CYB5R3: variants seen among roughly 807,000 people sequenced by gnomAD.
CYB5R3 encodes cytochrome b5 reductase 3.
Under a neutral mutation model 36.5 loss-of-function variants are expected in CYB5R3, and 28 were observed. The ratio of observed to expected loss-of-function variants is 0.77; its 90% CI spans 0.57 to 1.05. CYB5R3 has a LOEUF of 1.05. Among genes scored for constraint, CYB5R3 ranks in the 50% least tolerant of loss-of-function variants. CYB5R3 has a pLI of 0.00. For missense variants in CYB5R3, 474 were observed against 408.9 expected, an observed-to-expected ratio of 1.16 and a Z score of -1.37; for synonymous variants, 181 against 159.8, an observed-to-expected ratio of 1.13 and a Z score of -1.00.
intron 1 of CYB5R3, among the ~76,000 whole-genome samples, chr22:42,647,809 T>G (rs1311342161): frequency 6.6e-6 from 1 of 152,020 alleles, no homozygotes; most frequent in Non-Finnish European, 1.5e-5. Context: ...AGGTTGAGGC[T>G]GCAGTGAGCT....
intron 1 of CYB5R3, 67 bp downstream of exon 1, chr22:42,649,228 G>A: frequency 1.8e-5 from 7 of 393,098 alleles, no homozygotes; most frequent in South Asian, 5.9e-5. Flanking sequence ...AGGCCAGCCC[G>A]CCCCCTCGCC....
chr22:42,640,291 G>A, intron 1 of CYB5R3: 1 of 1,543,848 alleles, frequency 6.5e-7, no homozygotes, highest in Non-Finnish European at 8.7e-7. Flanking sequence ...GGGATGGAAA[G>A]TCCATCATCC....
At chr22:42,620,246 G>A (rs972172826) in intron 8 of CYB5R3, among the ~76,000 whole-genome samples, 5 of 152,184 alleles carry the variant, frequency 3.3e-5, no homozygotes, top group African/African-American at 1.2e-4. Context: ...GGGTGGACAG[G>A]GCGGGGAATA....
intron 8 of CYB5R3, 101 bp downstream of exon 8, chr22:42,623,688 G>A (rs1230167112): frequency 9.4e-6 from 9 of 954,020 alleles, no homozygotes; most frequent in African/African-American, 1.6e-5. Flanking sequence ...CATAGTGAGT[G>A]CCAGATGTCG....
intron 1 of CYB5R3, among the ~76,000 whole-genome samples, chr22:42,638,728 T>TAAAAAAAAAAAAAAAAAAAAAAAAAAAA (rs67349863): frequency 6.3e-5 from 3 of 47,520 alleles, no homozygotes; most frequent in South Asian, 9.8e-4. Context: ...CAAGACTCCA[T>TAAAAAAAAAAAAAAAAAAAAAAAAAAAA]AAAAAAAAAA....
chr22:42,644,000 G>A (rs1369224939), intron 1 of CYB5R3, among the ~76,000 whole-genome samples: 1 of 152,086 alleles, frequency 6.6e-6, no homozygotes, highest in African/African-American at 2.4e-5. Flanking sequence ...ACTGAGGCCA[G>A]GAAAGGGGAG....
intron 2 of CYB5R3, chr22:42,632,219 T>C (rs937903111): frequency 6.6e-6 from 1 of 152,374 alleles, no homozygotes; most frequent in Non-Finnish European, 1.5e-5. Context: ...AAACCCAGCG[T>C]CCTGAGGGTG....
intron 1 of CYB5R3, among the ~76,000 whole-genome samples, chr22:42,648,256 T>C (rs941345644): frequency 6.9e-6 from 1 of 145,138 alleles, no homozygotes; most frequent in East Asian, 2.2e-4. Flanking sequence ...CCAGGTGCCC[T>C]CCAAGTGGCA....
chr22:42,636,677 GTGATGCTGACGA>G, intron 2 of CYB5R3, 26 bp downstream of exon 2: 1 of 1,604,232 alleles, frequency 6.2e-7, no homozygotes, highest in East Asian at 2.2e-5. Flanking sequence ...GGGCAATGCT[GTGATGCTGACGA>G]GGCAGCGGCG....
chr22:42,643,298 G>T (rs938148431), intron 1 of CYB5R3, among the ~76,000 whole-genome samples: 5 of 152,192 alleles, frequency 3.3e-5, no homozygotes, highest in African/African-American at 1.2e-4. Context: ...CCCAGGTCAC[G>T]TAGGGGTCTA....
Position 42,631,760 on chromosome 22 carries a change from G to A in CYB5R3, c.154-310C>T, listed in dbSNP as rs765290411. ...GGGAGGATGCCAGACAGGACGGGGA[G>A]GGAGGAATCCATCTCTGCCATCAGC... On this transcript the variant is annotated intron_variant, in intron 2 of 8. Transcript: ENST00000352397. The A allele has an allele frequency of 6.5e-6, 3 of 465,026 alleles. No homozygotes were observed. The East Asian group carries it at 1.2e-4, about 18-fold the overall frequency. 28.8% of individuals were successfully genotyped at this position (465,026 alleles called of 1,614,324 possible).
rs1367101218 is a variant in CYB5R3 at position 42,619,532 on chromosome 22, C to A, written c.*241G>T. On this transcript the variant is annotated 3_prime_UTR_variant, in exon 9 of 9. Coordinates refer to ENST00000352397, the MANE Select transcript of CYB5R3 (RefSeq NM_000398.7). ...AGGACAGGGATGGGGCTGGGCGTCT[C>A]TGGTAAGGACCAGTAAGTGCCAGGC... 1.4e-5 allele frequency: 8 copies of A among 574,876 alleles called. No individual in the cohort carries two copies. The highest frequency in any genetic ancestry group is 2.5e-5 in the Non-Finnish European group (8 of 320,696). 35.6% of individuals were successfully genotyped at this position (574,876 alleles called of 1,614,324 possible).
intron 7 of CYB5R3, 112 bp from the exon 8 acceptor site, chr22:42,624,000 G>T (rs776916447): frequency 6.9e-6 from 6 of 863,870 alleles, no homozygotes; most frequent in Non-Finnish European, 1.1e-5. Flanking sequence ...ACACGCTTGC[G>T]GAGCTTTCAG....
chr22:42,646,528 T>G, intron 1 of CYB5R3: 37 of 410,916 alleles, frequency 9.0e-5, no homozygotes, highest in Middle Eastern at 1.2e-3. Context: ...CCAGGCCAGG[T>G]TAGGGGTGGG....
At chr22:42,638,728 T>TTAAAAAAAAAAAAAA (rs1569324852) in intron 1 of CYB5R3, among the ~76,000 whole-genome samples, 10 of 47,488 alleles carry the variant, frequency 2.1e-4, no homozygotes, top group African/African-American at 9.9e-4. Context: ...CAAGACTCCA[T>TTAAAAAAAAAAAAAA]AAAAAAAAAA....
At chr22:42,627,113 C>T (rs907124118) in intron 7 of CYB5R3, among the ~76,000 whole-genome samples, 191 bp downstream of exon 7, 13 of 152,180 alleles carry the variant, frequency 8.5e-5, no homozygotes, top group East Asian at 3.9e-4. Context: ...CAGACACAGG[C>T]GCTGCACCAC....
intron 2 of CYB5R3, among the ~76,000 whole-genome samples, chr22:42,635,749 T>A (rs1222964772): frequency 6.6e-6 from 1 of 152,178 alleles, no homozygotes; most frequent in Admixed American, 6.5e-5. Flanking sequence ...GATGATGTTC[T>A]CTGCTGTGAC....
chr22:42,644,982 T>C (rs1282952681), intron 1 of CYB5R3, among the ~76,000 whole-genome samples: 1 of 152,146 alleles, frequency 6.6e-6, no homozygotes. Flanking sequence ...GGGACAAATG[T>C]AGCTCAAGGA....
chr22:42,619,666 C>A lies in CYB5R3; in HGVS notation c.*107G>T, dbSNP rs1191933186. 9.8e-6 allele frequency: 11 copies of A among 1,121,124 alleles called. No individual in the cohort carries two copies. The highest frequency in any genetic ancestry group is 1.1e-5 in the Non-Finnish European group (9 of 789,246). The allele number at this position is 1,121,124 out of a possible 1,614,324, so 69.4% of individuals were successfully genotyped here. On this transcript the variant is annotated 3_prime_UTR_variant, in exon 9 of 9. Transcript: ENST00000352397. Reference sequence around the variant, plus strand: ...GGTGATTCACCAGGGCACGGGCAGGCCAGGCTGAACCCGGGGCCCCAGTGT... The same window carrying A: ...GGTGATTCACCAGGGCACGGGCAGGACAGGCTGAACCCGGGGCCCCAGTGT...
Sources: allele counts gnomAD v4.1 joint callset (sites outside exome capture counted in the v4.1 genomes callset), GRCh38; gene constraint gnomAD v4.1.1; transcripts MANE v1.5; gene names NCBI Gene and HGNC (gene_info 2026-07-23, HGNC 2026-07-21).